Variants in NUP88 observed in about 807,000 individuals in gnomAD.
The protein encoded by NUP88 is nucleoporin 88.
A neutral mutation model predicts 93.9 loss-of-function variants in NUP88; 57 were observed. The ratio of observed to expected loss-of-function variants is 0.61; its 90% CI spans 0.49 to 0.76. The LOEUF (loss-of-function observed/expected upper bound fraction) is 0.76. Ranked by LOEUF, NUP88 falls within the 30% of genes least tolerant of loss-of-function variation. NUP88 has a pLI of 0.00. For missense variants in NUP88, 911 were observed against 901.0 expected (o/e 1.01, Z -0.14); for synonymous variants, 346 against 336.8 (o/e 1.03, Z -0.30).
chr17:5,408,637 CAG>C (rs1458169202), intron 5 of NUP88, 94 bp downstream of exon 5: 2 of 912,978 alleles, frequency 2.2e-6, no homozygotes, highest in Non-Finnish European at 3.3e-6. Context: ...AACATTTCCA[CAG>C]ACTCAAAAAC....
intron 8 of NUP88, among the ~76,000 whole-genome samples, chr17:5,396,115 G>C (rs1384914359): frequency 6.6e-6 from 1 of 152,088 alleles, no homozygotes; most frequent in Non-Finnish European, 1.5e-5. Context: ...AGAGGCTGAG[G>C]CAGGTGAATC....
In NUP88 at chr17:5,419,303, G is replaced by A. The variant is rs573552725; in HGVS notation, c.297+51C>T. The A allele has an allele frequency of 2.3e-5, 35 of 1,500,946 alleles. No individual in the cohort carries two copies. In the African/African-American group the frequency reaches 4.2e-4, roughly 18 times the overall value. 93.0% of individuals were successfully genotyped at this position (1,500,946 alleles called of 1,614,324 possible). On this transcript the variant is annotated intron_variant, in intron 1 of 16. Transcript: ENST00000573584. Reference sequence around the variant, plus strand: ...GCCAAGAGGAGCAAGGAACAAAAAAGACTGGTTCCGATCCCGGTGAGGGTC... The same window carrying A: ...GCCAAGAGGAGCAAGGAACAAAAAAAACTGGTTCCGATCCCGGTGAGGGTC...
intron 5 of NUP88, among the ~76,000 whole-genome samples, chr17:5,407,504 G>A (rs897590135): frequency 3.9e-5 from 6 of 152,164 alleles, no homozygotes; most frequent in South Asian, 2.1e-4. Context: ...ATTTACAAGC[G>A]AATAAACTCT....
intron 16 of NUP88, 119 bp downstream of exon 16, chr17:5,386,589 C>T: frequency 1.3e-6 from 1 of 765,410 alleles, no homozygotes; most frequent in Non-Finnish European, 2.3e-6. Context: ...GCTCTCATCC[C>T]AGTAATTACT....
chr17:5,409,791 C>T lies in NUP88; in HGVS notation c.681-882G>A, dbSNP rs114807462. Reference sequence around the variant, plus strand: ...TTGATGGAGGTGCTACTTTAGACTACTTGGTATAGGAAAGACTCTGATAAG... The same window carrying T: ...TTGATGGAGGTGCTACTTTAGACTATTTGGTATAGGAAAGACTCTGATAAG... On this transcript the variant is annotated intron_variant, in intron 4 of 16. Coordinates refer to ENST00000573584, the MANE Select transcript of NUP88 (RefSeq NM_002532.6). 6.5e-3 allele frequency among the ~76,000 whole-genome samples: 991 copies of T among 152,234 alleles called. 7 individuals are homozygous for T. Among genetic ancestry groups the T allele is most frequent in the African/African-American group, 0.022 (898 of 41,534 alleles).
At chr17:5,399,248 G>A (rs1314248963) in intron 8 of NUP88, among the ~76,000 whole-genome samples, 4 of 73,062 alleles carry the variant, frequency 5.5e-5, no homozygotes, top group African/African-American at 8.5e-5. Flanking sequence ...AGTCAGTTTT[G>A]GTAGTTTTTT....
At chr17:5,391,750 G>T in intron 9 of NUP88, 88 bp from the exon 10 acceptor site, 1 of 1,077,106 alleles carries the variant, frequency 9.3e-7, no homozygotes, top group Non-Finnish European at 1.4e-6. Flanking sequence ...GGCCTTCTCA[G>T]GCCTGGGCTG....
At chr17:5,411,902 T>C (rs1025581881) in intron 3 of NUP88, among the ~76,000 whole-genome samples, 1 of 152,194 alleles carries the variant, frequency 6.6e-6, no homozygotes, top group African/African-American at 2.4e-5. Flanking sequence ...TGAATACACA[T>C]TTATTACAGT....
intron 9 of NUP88, among the ~76,000 whole-genome samples, chr17:5,392,037 T>C (rs1806236): frequency 0.05 from 7,674 of 152,324 alleles, 228 homozygotes; most frequent in Middle Eastern, 0.078. Flanking sequence ...CGAGTCTCTC[T>C]CAATGAGGCC....
chr17:5,389,571 C>T (rs1377679127), intron 10 of NUP88, among the ~76,000 whole-genome samples: 4 of 148,670 alleles, frequency 2.7e-5, no homozygotes, highest in South Asian at 2.2e-4. Flanking sequence ...TGAGGTCAGG[C>T]GTTCAAGACA....
chr17:5,410,769 G>C lies in NUP88; in HGVS notation c.614C>G (p.Pro205Arg). ...TATTATCACGTTAGTGGGTGTCTGC[G>C]GCTCACGTAGTGAGTAAATTCTAGC... ...NVIRIYSLRE[P>R]QTPTNVIILS... Residue 205 changes from proline (P) to arginine (R), a missense_variant, in exon 4 of 17, where the codon CCG (proline) becomes CGG (arginine). Physicochemically the swap from Pro to Arg is moderately radical, Grantham distance 103. Coordinates refer to ENST00000573584, the MANE Select transcript of NUP88 (RefSeq NM_002532.6). 1 of 1,610,860 alleles carries C rather than the reference G, an allele frequency of 6.2e-7. No individual in the cohort carries two copies. The highest frequency in any genetic ancestry group is 8.5e-7 in the Non-Finnish European group (1 of 1,177,992).
rs1360518589 is a variant in NUP88, at chr17:5,388,860, A to G, written c.1585T>C (p.Phe529Leu). 6.2e-7 allele frequency: 1 copy of G among 1,614,132 alleles called. No individual in the cohort carries two copies. The highest frequency in any genetic ancestry group is 1.7e-5 in the Admixed American group (1 of 60,004). The change falls in exon 11 of 17, where the codon TTT becomes CTT. Residue 529 changes from phenylalanine to leucine, a missense_variant. By Grantham distance (22) the Phe-to-Leu change is conservative. Coordinates refer to ENST00000573584, the MANE Select transcript of NUP88 (RefSeq NM_002532.6). Reference protein sequence around the residue: ...LRVLAETPDSFEKHIRSILQR... With the variant: ...LRVLAETPDSLEKHIRSILQR... The stretch of plus-strand genomic sequence containing the variant: ...AAAATGCTTCTAATATGCTTTTCAA[A>G]GGAATCTGGGGTTTCAGCCAGAACA...
Position 5,386,186 on chromosome 17 carries a change from T to C in NUP88, c.*20A>G. The C allele has an allele frequency of 6.2e-7, 1 of 1,600,020 alleles. No homozygotes were observed. Among genetic ancestry groups the C allele is most frequent in the Non-Finnish European group, 8.6e-7 (1 of 1,169,038 alleles). On this transcript the variant is annotated 3_prime_UTR_variant, in exon 17 of 17. Transcript: ENST00000573584. ...CCTTCAATGGTGTTCAGTTCAGGTG[T>C]GAGTCAGCTCCTGGTGGTGTCAGAA...
At chr17:5,408,984 A>T (rs1913664118) in intron 4 of NUP88, 75 bp from the exon 5 acceptor site, 1 of 1,326,486 alleles carries the variant, frequency 7.5e-7, no homozygotes, top group Non-Finnish European at 1.0e-6. Flanking sequence ...AAACAAAACA[A>T]AAACACAAAA....
At chr17:5,396,191 A>T (rs560730948) in intron 8 of NUP88, among the ~76,000 whole-genome samples, 1 of 152,258 alleles carries the variant, frequency 6.6e-6, no homozygotes, top group South Asian at 2.1e-4. Flanking sequence ...AGCCTGGGCA[A>T]CAAGAGTGAA....
chr17:5,385,353 A>C lies in NUP88; in HGVS notation c.*853T>G. The C allele has an allele frequency of 4.3e-6, 1 of 230,844 alleles. No homozygotes were observed. 14.3% of individuals were successfully genotyped at this position (230,844 alleles called of 1,614,324 possible). On this transcript the variant is annotated 3_prime_UTR_variant, in exon 17 of 17. Transcript: ENST00000573584. ...GTTTCACGAGTGTTCCTGTGCTTATATTCAGTCTGTGCCTACATGTTCTCA... is the reference window on the plus strand; with the variant it reads ...GTTTCACGAGTGTTCCTGTGCTTATCTTCAGTCTGTGCCTACATGTTCTCA...
At chr17:5,416,144 CAAAAAAAA>C (rs1206275413) in intron 2 of NUP88, among the ~76,000 whole-genome samples, 12,611 of 71,800 alleles carry the variant, frequency 0.18, 1,119 homozygotes, top group African/African-American at 0.28. Context: ...GACTCCATCT[CAAAAAAAA>C]AAAAAAAAAA....
chr17:5,417,366 G>A (rs548761529), intron 1 of NUP88, among the ~76,000 whole-genome samples: 12 of 152,232 alleles, frequency 7.9e-5, no homozygotes, highest in African/African-American at 2.4e-4. Context: ...ACTTCCAGGC[G>A]CTGAGGTGGG....
intron 4 of NUP88, among the ~76,000 whole-genome samples, chr17:5,410,202 C>T (rs3026140): frequency 0.44 from 66,436 of 151,944 alleles, 15,286 homozygotes; most frequent in East Asian, 0.84. Flanking sequence ...CATTTTCTTC[C>T]TAATACTTTG....
Sources: allele counts gnomAD v4.1 joint callset (sites outside exome capture counted in the v4.1 genomes callset), GRCh38; gene constraint gnomAD v4.1.1; transcripts MANE v1.5; gene names NCBI Gene and HGNC (gene_info 2026-07-23, HGNC 2026-07-21).